Variants in TNFAIP8L3 observed in about 807,000 individuals in gnomAD.
TNFAIP8L3 encodes the protein TNF alpha induced protein 8 like 3.
Under a neutral mutation model 11.8 loss-of-function variants are expected in TNFAIP8L3, and 7 were observed. The ratio of observed to expected loss-of-function variants is 0.59; its 90% confidence interval spans 0.34 to 1.11. TNFAIP8L3 has a LOEUF of 1.11. Among genes scored for constraint, TNFAIP8L3 ranks in the 50% most tolerant of loss-of-function variants. The probability of loss-of-function intolerance (pLI) is 0.03; values close to 1 mark genes in which losing one functional copy is unlikely to be tolerated. For missense variants in TNFAIP8L3, 219 were observed against 258.6 expected, an observed-to-expected ratio of 0.85 and a Z score of 1.05; for synonymous variants, 98 against 103.8, an observed-to-expected ratio of 0.94 and a Z score of 0.34.
intron 1 of TNFAIP8L3, among the ~76,000 whole-genome samples, chr15:51,077,208 C>T (rs1057443571): frequency 6.6e-6 from 1 of 152,220 alleles, no homozygotes; most frequent in East Asian, 1.9e-4. Flanking sequence ...CGCCACAGAG[C>T]GTGCGGTCAG....
At chr15:51,070,987 CT>C (rs1201333307) in intron 1 of TNFAIP8L3, among the ~76,000 whole-genome samples, 6 of 132,884 alleles carry the variant, frequency 4.5e-5, no homozygotes, top group African/African-American at 1.7e-4. Flanking sequence ...GGAGGTGGAG[CT>C]TGCAGTGAGC....
chr15:51,056,650 ATGAC>A lies in TNFAIP8L3; in HGVS notation c.*1227_*1230del, dbSNP rs2065205191. 6.6e-6 allele frequency: 1 copy of A among 152,194 alleles called. No homozygotes were observed. The highest frequency in any genetic ancestry group is 2.4e-5 in the African/African-American group (1 of 41,436). 9.4% of individuals were successfully genotyped at this position (152,194 alleles called of 1,614,324 possible). On this transcript the variant is annotated 3_prime_UTR_variant, in exon 2 of 2. Transcript: ENST00000637513. Reference sequence around the variant, plus strand: ...AATGAACCAGAGAAAACAGCACAAAATGACTGAAAAGCCAAGAAAGATGGGTAGG... The same window carrying A: ...AATGAACCAGAGAAAACAGCACAAAATGAAAAGCCAAGAAAGATGGGTAGG...
At chr15:51,084,640 T>C (rs1213235427) in intron 1 of TNFAIP8L3, among the ~76,000 whole-genome samples, 1 of 152,266 alleles carries the variant, frequency 6.6e-6, no homozygotes, top group East Asian at 1.9e-4. Flanking sequence ...AGTGACTCGG[T>C]GGCTGTCAAG....
chr15:51,086,455 C>T (rs536100374), intron 1 of TNFAIP8L3, among the ~76,000 whole-genome samples: 1 of 152,332 alleles, frequency 6.6e-6, no homozygotes, highest in East Asian at 1.9e-4. Context: ...AATGCCCTCA[C>T]CTAACAGAGG....
At chr15:51,082,407 G>C (rs1387205871) in intron 1 of TNFAIP8L3, among the ~76,000 whole-genome samples, 1 of 152,232 alleles carries the variant, frequency 6.6e-6, no homozygotes, top group Non-Finnish European at 1.5e-5. Flanking sequence ...AGCATGAATA[G>C]AGCTTGCAGG....
chr15:51,081,330 T>TG (rs552808967), intron 1 of TNFAIP8L3, among the ~76,000 whole-genome samples: 21 of 152,274 alleles, frequency 1.4e-4, no homozygotes, highest in African/African-American at 5.1e-4. Context: ...GTAGGGCCCA[T>TG]GGGGGGCCCA....
In TNFAIP8L3 at chr15:51,104,146, G is replaced by T. The variant is rs139380443; in HGVS notation, c.172+859C>A. ...TAGTGCCCTTATTTCTGTCTTCCTT[G>T]CTTCCATGCTGCCATCCAAAGTCCT... On this transcript the variant is annotated intron_variant, in intron 1 of 2. Transcript: ENST00000327536. Among the ~76,000 whole-genome samples the T allele has an allele frequency of 2.5e-3, 373 of 152,218 alleles. 1 individual carries two copies. The highest frequency in any genetic ancestry group is 8.7e-3 in the African/African-American group (363 of 41,548).
intron 1 of TNFAIP8L3, among the ~76,000 whole-genome samples, chr15:51,064,051 G>T (rs2065255555): frequency 6.6e-6 from 1 of 152,126 alleles, no homozygotes; most frequent in Non-Finnish European, 1.5e-5. Context: ...AGGGTCACCG[G>T]GATAGCATCT....
chr15:51,078,326 G>T (rs1373982885), intron 1 of TNFAIP8L3, among the ~76,000 whole-genome samples: 2 of 151,436 alleles, frequency 1.3e-5, no homozygotes, highest in Non-Finnish European at 2.9e-5. Context: ...GGCTGTTTCC[G>T]GGGGGCAGAT....
upstream of TNFAIP8L3, among the ~76,000 whole-genome samples, chr15:51,095,641 C>G (rs1262673256): frequency 6.7e-6 from 1 of 148,780 alleles, no homozygotes; most frequent in Admixed American, 6.6e-5. Flanking sequence ...GTAACACCAT[C>G]CTTTATGAAA....
intron 1 of TNFAIP8L3, among the ~76,000 whole-genome samples, chr15:51,061,099 T>G (rs4775914): frequency 0.83 from 126,919 of 152,220 alleles, 53,150 homozygotes; most frequent in East Asian, 0.98. Context: ...TCGTGCCACT[T>G]CACTCTGGCC....
At chr15:51,074,741 A>G (rs557117017) in intron 1 of TNFAIP8L3, among the ~76,000 whole-genome samples, 4 of 152,354 alleles carry the variant, frequency 2.6e-5, no homozygotes, top group Admixed American at 2.6e-4. Flanking sequence ...CCTGGCTGCC[A>G]GCCATGCCCT....
At chr15:51,096,891 CAA>C (rs56057102), upstream of TNFAIP8L3, among the ~76,000 whole-genome samples, 228 of 98,268 alleles carry the variant, frequency 2.3e-3, 4 homozygotes, top group African/African-American at 6.3e-3. Context: ...CACGCTGTCT[CAA>C]AAAAAAAAAA....
chr15:51,078,305 GGGGTTCT>G (rs1265349996), intron 1 of TNFAIP8L3, among the ~76,000 whole-genome samples: 1 of 142,718 alleles, frequency 7.0e-6, no homozygotes, highest in East Asian at 2.3e-4. Context: ...GCGGGGGCGG[GGGGTTCT>G]AAAGGCTGTT....
chr15:51,087,200 T>C (rs1387548564), intron 1 of TNFAIP8L3, among the ~76,000 whole-genome samples: 1 of 152,186 alleles, frequency 6.6e-6, no homozygotes, highest in Non-Finnish European at 1.5e-5. Flanking sequence ...TCTCTTATCC[T>C]GTAACCCCCA....
At chr15:51,093,140 T>C (rs2065484698) in intron 1 of TNFAIP8L3, among the ~76,000 whole-genome samples, 1 of 152,222 alleles carries the variant, frequency 6.6e-6, no homozygotes, top group Non-Finnish European at 1.5e-5. Context: ...CATACAGGCA[T>C]GCAAAGGGCT....
chr15:51,104,506 A>G (rs530693199), intron 1 of TNFAIP8L3, among the ~76,000 whole-genome samples: 9 of 152,304 alleles, frequency 5.9e-5, no homozygotes, highest in Admixed American at 5.9e-4. Context: ...GCGCCATGTC[A>G]GTCTGTTTCT....
rs1474477614 is a variant in TNFAIP8L3 at position 51,087,700 on chromosome 15, T to G, written c.52+6844A>C. On this transcript the variant is annotated intron_variant, in intron 1 of 1. Transcript: ENST00000637513. Reference sequence around the variant, plus strand: ...CAAAATACTGGTTTCTATTAGGGTGTGTCTAGCACTTTCTGTGCTGCCAAG... The same window carrying G: ...CAAAATACTGGTTTCTATTAGGGTGGGTCTAGCACTTTCTGTGCTGCCAAG... Among the ~76,000 whole-genome samples, 14 of 152,126 alleles carry G rather than the reference T, an allele frequency of 9.2e-5. No homozygotes were observed. The South Asian group carries it at 2.9e-3, about 32-fold the overall frequency.
At chr15:51,095,979 A>G (rs192631856), upstream of TNFAIP8L3, among the ~76,000 whole-genome samples, 5 of 152,368 alleles carry the variant, frequency 3.3e-5, no homozygotes, top group Admixed American at 3.3e-4. Context: ...AGGTTGCACC[A>G]TTTGAAAATA....
Sources: allele counts gnomAD v4.1 joint callset (sites outside exome capture counted in the v4.1 genomes callset), GRCh38; gene constraint gnomAD v4.1.1; transcripts MANE v1.5; gene names NCBI Gene and HGNC (gene_info 2026-07-23, HGNC 2026-07-21).